The following CFAP61 variants were observed in gnomAD, a reference collection of about 807,000 sequenced individuals.
CFAP61 encodes cilia- and flagella-associated protein 61.
Under a neutral mutation model 135.6 loss-of-function variants are expected in CFAP61, and 107 were observed. That is an observed-to-expected ratio of 0.79 (90% confidence interval 0.67 to 0.93). The LOEUF is 0.93. Ranked by LOEUF, CFAP61 falls within the 40% of genes least tolerant of loss-of-function variation. The probability of loss-of-function intolerance (pLI) is 0.00; values close to 1 mark genes in which losing one functional copy is unlikely to be tolerated. For synonymous variants in CFAP61, 575 were observed against 578.5 expected (o/e 0.99, Z 0.09); for missense variants, 1,507 against 1,556.2 (o/e 0.97, Z 0.53).
At chr20:20,339,917 C>G (rs545712565) in intron 25 of CFAP61, among the ~76,000 whole-genome samples, 1 of 152,234 alleles carries the variant, frequency 6.6e-6, no homozygotes, top group Non-Finnish European at 1.5e-5. Context: ...GTTTGAATGA[C>G]GAAAGCTGCC....
intron 26 of CFAP61, among the ~76,000 whole-genome samples, chr20:20,354,116 T>C (rs902671813): frequency 2.0e-5 from 3 of 152,172 alleles, no homozygotes; most frequent in African/African-American, 4.8e-5. Context: ...ATGGTATATA[T>C]GCACAATGGA....
chr20:20,311,200 A>T (rs951512995), intron 25 of CFAP61, among the ~76,000 whole-genome samples: 10 of 152,226 alleles, frequency 6.6e-5, no homozygotes, highest in Admixed American at 4.6e-4. Context: ...CAAAACTATC[A>T]AGAAGACTCT....
intron 4 of CFAP61, 148 bp from the exon 5 acceptor site, chr20:20,075,041 G>A: frequency 1.4e-6 from 1 of 719,052 alleles, no homozygotes; most frequent in East Asian, 2.6e-5. Context: ...CCTTGAGGCT[G>A]TTCTTGCCAT....
rs761786396 is a variant in CFAP61, at chr20:20,196,575, T to C, written c.1596T>C (p.Ile532=). 7.4e-6 allele frequency: 12 copies of C among 1,612,056 alleles called. No homozygotes were observed. In the Admixed American group the frequency reaches 2.0e-4, roughly 27 times the overall value. The part of the protein sequence containing the change: ...GIAVIRNEMD[I]EYIRSHYNIE... ...CCCTTCTGTCTCTTCTGTAGGACAT[T>C]GAGTACATACGGTCCCATTACAACA... is the stretch of plus-strand genomic sequence containing the variant. Residue 532 remains isoleucine (I), a synonymous_variant, in exon 16 of 27, where the codon ATT becomes ATC. Transcript: ENST00000245957.
chr20:20,080,429 TTTAAG>T lies in CFAP61; in HGVS notation c.566+4817_566+4821del, dbSNP rs575290764. 4.1e-3 allele frequency among the ~76,000 whole-genome samples: 619 copies of T among 152,296 alleles called. 3 individuals carry two copies. Among genetic ancestry groups the T allele is most frequent in the Non-Finnish European group, 7.0e-3 (473 of 68,030 alleles). On this transcript the variant is annotated intron_variant, in intron 6 of 26. Transcript: ENST00000245957. The stretch of plus-strand genomic sequence containing the variant: ...CTCTTGCTTATTTATGGAAATTTAA[TTTAAG>T]TTGTTTCCTGTAAAAAATTTACCAC...
chr20:20,187,230 C>T (rs375797564), intron 13 of CFAP61, among the ~76,000 whole-genome samples: 2 of 152,188 alleles, frequency 1.3e-5, no homozygotes, highest in East Asian at 3.8e-4. Context: ...TGGCTGAACA[C>T]GGGCTTCCCC....
At chr20:20,215,198 T>C (rs2047961200) in intron 17 of CFAP61, 1 of 152,216 alleles carries the variant, frequency 6.6e-6, no homozygotes, top group Non-Finnish European at 1.5e-5. Context: ...GCTTGGCTTC[T>C]GGTTCACCTC....
chr20:20,356,179 GGGGTGGTC>G (rs2059148390), intron 26 of CFAP61, among the ~76,000 whole-genome samples: 1 of 144,414 alleles, frequency 6.9e-6, no homozygotes, highest in African/African-American at 2.6e-5. Flanking sequence ...ACACTGAGGG[GGGGTGGTC>G]ACACTGAGGG....
rs146310005 is a variant in CFAP61, at chr20:20,162,381, T to C, written c.1027-1669T>C. ...GGACCACAGTCCTCAATACAGAATATTGGAGAACTTAAGTCCCAAAAAACT... is the reference window on the plus strand; with the variant it reads ...GGACCACAGTCCTCAATACAGAATACTGGAGAACTTAAGTCCCAAAAAACT... On this transcript the variant is annotated intron_variant, in intron 10 of 26. Coordinates refer to ENST00000245957, the MANE Select transcript of CFAP61 (RefSeq NM_015585.4). 2.5e-4 allele frequency among the ~76,000 whole-genome samples: 38 copies of C among 152,302 alleles called. No homozygotes were observed. The East Asian group carries it at 4.2e-3, about 17-fold the overall frequency.
chr20:20,069,479 C>T (rs1332794784), intron 2 of CFAP61, among the ~76,000 whole-genome samples: 1 of 152,150 alleles, frequency 6.6e-6, no homozygotes, highest in African/African-American at 2.4e-5. Flanking sequence ...GGGTTTTCAC[C>T]ATGTTGGCCA....
chr20:20,246,077 A>G (rs1415507651), intron 18 of CFAP61, 40 bp from the exon 19 acceptor site: 1 of 1,287,728 alleles, frequency 7.8e-7, no homozygotes, highest in Non-Finnish European at 1.1e-6. Context: ...GCTAAATTGC[A>G]CTTAACTGCT....
At chr20:20,157,893 A>C (rs1353193419) in intron 9 of CFAP61, among the ~76,000 whole-genome samples, 2 of 152,238 alleles carry the variant, frequency 1.3e-5, no homozygotes, top group African/African-American at 4.8e-5. Context: ...TTGTTTCTAC[A>C]ACATATTTTT....
chr20:20,264,980 G>A (rs898014406), intron 21 of CFAP61, among the ~76,000 whole-genome samples: 2 of 152,176 alleles, frequency 1.3e-5, no homozygotes, highest in African/African-American at 4.8e-5. Context: ...AGCAACTATA[G>A]ACAATATGTA....
intron 18 of CFAP61, among the ~76,000 whole-genome samples, chr20:20,236,765 T>G (rs149590014): frequency 6.6e-6 from 1 of 152,300 alleles, no homozygotes; most frequent in Admixed American, 6.5e-5. Flanking sequence ...TCCCACTGGA[T>G]TTTGAATTCC....
intron 1 of CFAP61, 66 bp downstream of exon 1, chr20:20,052,657 C>T: frequency 6.2e-7 from 1 of 1,613,366 alleles, no homozygotes; most frequent in Non-Finnish European, 8.5e-7. Context: ...AGGGCGCATC[C>T]CCAGGTCAGC....
intron 19 of CFAP61, among the ~76,000 whole-genome samples, chr20:20,251,074 T>C (rs1265735264): frequency 6.6e-6 from 1 of 152,222 alleles, no homozygotes; most frequent in African/African-American, 2.4e-5. Context: ...TTTGTTGTTT[T>C]GGCAGGAAGC....
At chr20:20,129,445 T>G (rs1225236853) in intron 8 of CFAP61, among the ~76,000 whole-genome samples, 2 of 151,806 alleles carry the variant, frequency 1.3e-5, no homozygotes, top group Admixed American at 6.5e-5. Flanking sequence ...CCAGATGAAT[T>G]GGAGCTCTGT....
intron 17 of CFAP61, among the ~76,000 whole-genome samples, chr20:20,213,534 T>C (rs2047817665): frequency 6.6e-6 from 1 of 150,686 alleles, no homozygotes; most frequent in Admixed American, 6.6e-5. Flanking sequence ...GAGGACACTG[T>C]ATCTGTTTAA....
chr20:20,251,351 A>ACC (rs887728025), intron 19 of CFAP61, among the ~76,000 whole-genome samples: 2 of 150,774 alleles, frequency 1.3e-5, no homozygotes, highest in South Asian at 2.1e-4. Context: ...ACACACACAC[A>ACC]CCCCTCCCAC....
Sources: gnomAD v4.1 joint callset for allele counts (sites outside exome capture counted in the v4.1 genomes callset) on GRCh38, gnomAD v4.1.1 for gene constraint, MANE v1.5 for transcripts, NCBI Gene and HGNC (gene_info 2026-07-23, HGNC 2026-07-21) for gene names.